The following SV2C variants were observed in gnomAD, a reference collection of about 807,000 sequenced individuals.
The protein encoded by SV2C is solute carrier family 22 member B3.
SV2C carries 49 observed loss-of-function variants against 79.7 expected under a neutral mutation model. That is an observed-to-expected ratio of 0.61 (90% CI 0.49 to 0.78). The LOEUF (loss-of-function observed/expected upper bound fraction) is 0.78, where lower values mean the gene tolerates loss of function less well. Ranked by LOEUF, SV2C falls within the 30% of genes least tolerant of loss-of-function variation. The pLI is 0.00. For missense variants in SV2C, 833 were observed against 912.9 expected (o/e 0.91, Z 1.13); for synonymous variants, 334 against 333.2 (o/e 1.00, Z -0.03).
At chr5:76,056,610 T>C in the SV2C span, among the ~76,000 whole-genome samples, 1 of 149,226 alleles carries the variant, frequency 6.7e-6, no homozygotes, top group South Asian at 2.2e-4. Context: ...TGAATCTGTC[T>C]GGTCCTGGGC....
At chr5:76,006,418 G>A in the SV2C span, among the ~76,000 whole-genome samples, 6 of 152,240 alleles carry the variant, frequency 3.9e-5, no homozygotes, top group South Asian at 4.1e-4. Context: ...ATTCTGCAGT[G>A]TACAATATGG....
the SV2C span, among the ~76,000 whole-genome samples, chr5:76,048,862 T>TGA: frequency 9.4e-3 from 618 of 65,850 alleles, 10 homozygotes; most frequent in African/African-American, 0.033. Context: ...AGGAAGGGGG[T>TGA]GAGAGAGAGA....
chr5:76,293,458 G>A (rs967502814), intron 8 of SV2C, among the ~76,000 whole-genome samples: 16 of 152,086 alleles, frequency 1.1e-4, no homozygotes, highest in African/African-American at 2.4e-4. Context: ...TATTTAGTGC[G>A]TGTTCGGTAA....
intron 2 of SV2C, among the ~76,000 whole-genome samples, chr5:76,148,022 G>A (rs1561237004): frequency 1.3e-5 from 2 of 151,924 alleles, no homozygotes; most frequent in African/African-American, 2.4e-5. Flanking sequence ...CTGTGCTATG[G>A]TTTAGGATGC....
At chr5:75,943,364 G>C in the SV2C span, among the ~76,000 whole-genome samples, 7 of 152,086 alleles carry the variant, frequency 4.6e-5, no homozygotes, top group African/African-American at 1.7e-4. Context: ...AATAACATTG[G>C]CCATGGAACT....
chr5:76,270,348 T>C (rs1386798372), intron 4 of SV2C, among the ~76,000 whole-genome samples: 1 of 152,210 alleles, frequency 6.6e-6, no homozygotes, highest in African/African-American at 2.4e-5. Context: ...AATGCATTCA[T>C]TGCTTTGGGG....
chr5:76,014,016 G>C, the SV2C span, among the ~76,000 whole-genome samples: 1 of 151,934 alleles, frequency 6.6e-6, no homozygotes, highest in Admixed American at 6.6e-5. Flanking sequence ...TGGGACTTCT[G>C]AATGTCAAAA....
intron 2 of SV2C, among the ~76,000 whole-genome samples, chr5:76,180,920 C>CT (rs1245483187): frequency 6.6e-6 from 1 of 152,150 alleles, no homozygotes; most frequent in Non-Finnish European, 1.5e-5. Flanking sequence ...AGGGTTGACT[C>CT]TTTCACTTCT....
chr5:75,906,289 A>G, the SV2C span, among the ~76,000 whole-genome samples: 1 of 152,160 alleles, frequency 6.6e-6, no homozygotes, highest in Non-Finnish European at 1.5e-5. Flanking sequence ...GATTGGTGAT[A>G]ATTTGTTACA....
the SV2C span, among the ~76,000 whole-genome samples, chr5:76,030,266 G>GTTTTTTTTTTTTTT: frequency 7.5e-4 from 24 of 31,974 alleles, 1 homozygote; most frequent in African/African-American, 1.0e-3. Flanking sequence ...TCAGAGGCTT[G>GTTTTTTTTTTTTTT]TTTTTTTTTT....
At chr5:76,063,589 A>T in the SV2C span, among the ~76,000 whole-genome samples, 3 of 152,098 alleles carry the variant, frequency 2.0e-5, no homozygotes, top group Non-Finnish European at 4.4e-5. Context: ...CACTCCCACT[A>T]TGCAGGCTTT....
intron 2 of SV2C, among the ~76,000 whole-genome samples, chr5:76,189,572 A>G (rs1218277675): frequency 1.3e-5 from 2 of 152,178 alleles, no homozygotes; most frequent in Admixed American, 6.5e-5. Flanking sequence ...ATAAATATGT[A>G]TGTAAATATG....
chr5:75,917,474 C>T, the SV2C span, among the ~76,000 whole-genome samples: 1 of 152,162 alleles, frequency 6.6e-6, no homozygotes, highest in South Asian at 2.1e-4. Flanking sequence ...GAATCAGGCA[C>T]TTTTCACATA....
At chr5:75,851,473 T>C in the SV2C span, among the ~76,000 whole-genome samples, 1 of 152,194 alleles carries the variant, frequency 6.6e-6, no homozygotes, top group Non-Finnish European at 1.5e-5. Flanking sequence ...GATGGCTTTT[T>C]CGCCCATGGT....
At chr5:76,046,062 C>T in the SV2C span, among the ~76,000 whole-genome samples, 1 of 152,148 alleles carries the variant, frequency 6.6e-6, no homozygotes, top group Admixed American at 6.5e-5. Flanking sequence ...GGCACTAAAT[C>T]ACAAGCTTAA....
the SV2C span, among the ~76,000 whole-genome samples, chr5:75,901,877 T>C: frequency 1.3e-5 from 2 of 152,226 alleles, no homozygotes; most frequent in African/African-American, 2.4e-5. Flanking sequence ...TCCGTGGGCA[T>C]AGGACCTTCC....
intron 4 of SV2C, among the ~76,000 whole-genome samples, chr5:76,278,628 A>T (rs1351728229): frequency 6.6e-6 from 1 of 152,256 alleles, no homozygotes; most frequent in Non-Finnish European, 1.5e-5. Flanking sequence ...CTTAGCCCCC[A>T]GGATGGGATT....
At chr5:75,963,929 G>A in the SV2C span, among the ~76,000 whole-genome samples, 2 of 151,732 alleles carry the variant, frequency 1.3e-5, no homozygotes, top group Non-Finnish European at 2.9e-5. Flanking sequence ...ATTGAATTTT[G>A]TTTTATTCTG....
chr5:76,079,999 C>A (rs1746960708), upstream of SV2C, among the ~76,000 whole-genome samples: 2 of 151,506 alleles, frequency 1.3e-5, no homozygotes, highest in Admixed American at 1.3e-4. Context: ...GCAAAGACTG[C>A]CAAATGCACT....
Sources: allele counts gnomAD v4.1 joint callset (sites outside exome capture counted in the v4.1 genomes callset), GRCh38; gene constraint gnomAD v4.1.1; transcripts MANE v1.5; gene names NCBI Gene and HGNC (gene_info 2026-07-23, HGNC 2026-07-21).